The following DNAH11 variants were observed in gnomAD, a reference collection of about 807,000 sequenced individuals.
The protein encoded by DNAH11 is dynein axonemal heavy chain 11, also known as axonemal beta dynein heavy chain 11.
A neutral mutation model predicts 526.0 loss-of-function variants in DNAH11; 442 were observed. The ratio of observed to expected loss-of-function variants is 0.84; its 90% CI spans 0.78 to 0.91. The LOEUF (loss-of-function observed/expected upper bound fraction) is 0.91. DNAH11 is among the 40% of genes least tolerant of loss of function. The pLI is 0.00. For missense variants in DNAH11, 6,989 were observed against 5,448.7 expected (o/e 1.28, Z -8.90); for synonymous variants, 2,461 against 1,935.9 (o/e 1.27, Z -7.12).
At chr7:21,718,190 T>A (rs946392956) in intron 43 of DNAH11, among the ~76,000 whole-genome samples, 5 of 149,560 alleles carry the variant, frequency 3.3e-5, no homozygotes, top group Non-Finnish European at 7.4e-5. Context: ...GTTTTACTGA[T>A]TTTTTTTTAG....
intron 61 of DNAH11, among the ~76,000 whole-genome samples, chr7:21,794,518 A>C (rs1788621280): frequency 6.6e-6 from 1 of 152,126 alleles, no homozygotes. Flanking sequence ...TGCTTGAAGT[A>C]CTGACCATCC....
intron 55 of DNAH11, among the ~76,000 whole-genome samples, chr7:21,767,012 C>T (rs1392718448): frequency 6.6e-6 from 1 of 152,114 alleles, no homozygotes; most frequent in African/African-American, 2.4e-5. Context: ...TAAAGTCTGC[C>T]AGAAACATTT....
intron 74 of DNAH11, among the ~76,000 whole-genome samples, chr7:21,878,649 T>C (rs999390218): frequency 6.6e-6 from 1 of 152,188 alleles, no homozygotes; most frequent in Non-Finnish European, 1.5e-5. Flanking sequence ...AGTGATTTAA[T>C]TGGATCTGCG....
intron 2 of DNAH11, among the ~76,000 whole-genome samples, chr7:21,557,917 C>T (rs1008606666): frequency 6.6e-6 from 1 of 152,108 alleles, no homozygotes; most frequent in African/African-American, 2.4e-5. Flanking sequence ...ACTAGCTTGA[C>T]ATGTAATGGG....
At chr7:21,596,990 A>G (rs1046037204) in intron 14 of DNAH11, among the ~76,000 whole-genome samples, 1 of 152,208 alleles carries the variant, frequency 6.6e-6, no homozygotes, top group African/African-American at 2.4e-5. Context: ...TGGTTTGGGG[A>G]AAAGCTGTAG....
intron 54 of DNAH11, among the ~76,000 whole-genome samples, chr7:21,762,030 A>C (rs1786942031): frequency 6.6e-6 from 1 of 152,174 alleles, no homozygotes. Context: ...TCTGAAGTGC[A>C]TGCAGGGGAA....
intron 52 of DNAH11, 91 bp from the exon 53 acceptor site, chr7:21,749,587 C>T (rs756325421): frequency 6.5e-7 from 1 of 1,533,524 alleles, no homozygotes; most frequent in Non-Finnish European, 8.9e-7. Flanking sequence ...TATGGCGATA[C>T]AGTTACTGAG....
chr7:21,779,154 T>C lies in DNAH11; in HGVS notation c.9483+50T>C, dbSNP rs755292586. The stretch of plus-strand genomic sequence containing the variant: ...GTGCGGAGCTATATTTAGCACAAAA[T>C]AAACCTTGGTAGGTGAACAATTTTG... On this transcript the variant is annotated intron_variant, in intron 57 of 81. Transcript: ENST00000409508. 3.2e-6 allele frequency: 5 copies of C among 1,559,900 alleles called. No homozygotes were observed. The Admixed American group carries it at 9.0e-5, about 28-fold the overall frequency.
At position 21,746,376 on chromosome 7, in the gene DNAH11, G is replaced by C. The variant is rs1472610232; in HGVS notation, c.8510+1313G>C. On this transcript the variant is annotated intron_variant, in intron 51 of 81. Transcript: ENST00000409508. ...CCCAGCACTTTGGGAGGCTGAGGCAGGAGGATCACTTGAGGCCAGAAGTTT... is the reference window on the plus strand; with the variant it reads ...CCCAGCACTTTGGGAGGCTGAGGCACGAGGATCACTTGAGGCCAGAAGTTT... Among the ~76,000 whole-genome samples, 3 of 152,190 alleles carry C rather than the reference G, an allele frequency of 2.0e-5. No homozygotes were observed. In the East Asian group the frequency reaches 5.8e-4, roughly 29 times the overall value.
chr7:21,807,700 C>CAT (rs1435549182), intron 62 of DNAH11, among the ~76,000 whole-genome samples, 183 bp from the exon 63 acceptor site: 2 of 152,114 alleles, frequency 1.3e-5, no homozygotes, highest in Non-Finnish European at 2.9e-5. Context: ...ATGAGAACTC[C>CAT]ATCATAATGA....
At chr7:21,748,524 A>G in intron 51 of DNAH11, 56 bp from the exon 52 acceptor site, 1 of 1,394,544 alleles carries the variant, frequency 7.2e-7, no homozygotes, top group Non-Finnish European at 9.4e-7. Context: ...AACAGAACAG[A>G]CATAGTCCCG....
intron 61 of DNAH11, among the ~76,000 whole-genome samples, chr7:21,791,335 C>G (rs1041461627): frequency 6.6e-6 from 1 of 152,240 alleles, no homozygotes; most frequent in African/African-American, 2.4e-5. Flanking sequence ...GGAAGAATCT[C>G]TCTGCATTGG....
intron 28 of DNAH11, among the ~76,000 whole-genome samples, chr7:21,640,314 G>A (rs1043205859): frequency 3.3e-5 from 5 of 152,102 alleles, no homozygotes; most frequent in African/African-American, 1.2e-4. Context: ...GCTTCAATAA[G>A]CCCCTGAGGG....
chr7:21,649,052 A>C (rs1030155828), intron 28 of DNAH11, among the ~76,000 whole-genome samples: 11 of 151,722 alleles, frequency 7.3e-5, no homozygotes, highest in Non-Finnish European at 1.6e-4. Flanking sequence ...TAAATTGTTG[A>C]TATGATTTGG....
intron 14 of DNAH11, among the ~76,000 whole-genome samples, chr7:21,598,940 A>G (rs1025640139): frequency 7.9e-5 from 12 of 152,228 alleles, no homozygotes; most frequent in African/African-American, 2.7e-4. Flanking sequence ...ATGGCTGCAT[A>G]GTATTCCATG....
intron 76 of DNAH11, among the ~76,000 whole-genome samples, chr7:21,891,386 G>A (rs1052285179): frequency 2.0e-5 from 3 of 152,076 alleles, no homozygotes; most frequent in African/African-American, 4.8e-5. Flanking sequence ...CAGGATTTAC[G>A]GTGCAAGAGA....
intron 18 of DNAH11, among the ~76,000 whole-genome samples, chr7:21,604,737 T>C (rs1785216687): frequency 6.6e-6 from 1 of 152,156 alleles, no homozygotes; most frequent in East Asian, 1.9e-4. Flanking sequence ...GCAGGTTTGT[T>C]GTGTTTGAAG....
At position 21,570,319 on chromosome 7, in the gene DNAH11, A is replaced by G; in HGVS notation, c.1425+20A>G. On this transcript the variant is annotated intron_variant, in intron 7 of 81. Coordinates refer to ENST00000409508, the MANE Select transcript of DNAH11 (RefSeq NM_001277115.2). The stretch of plus-strand genomic sequence containing the variant: ...ATAGAGGTATTCATTTTTTGATTTT[A>G]TTTATTCATGTTGAAGGTGGGTGCA... 1 of 1,576,712 alleles carries G rather than the reference A, an allele frequency of 6.3e-7. No homozygotes were observed. Among genetic ancestry groups the G allele is most frequent in the East Asian group, 2.2e-5 (1 of 44,530 alleles).
At chr7:21,763,352 A>AAAAAAAG (rs1787012273) in intron 54 of DNAH11, among the ~76,000 whole-genome samples, 1 of 112,326 alleles carries the variant, frequency 8.9e-6, no homozygotes, top group Non-Finnish European at 1.9e-5. Context: ...AAAAAAAAAA[A>AAAAAAAG]AAAAGAAAAA....
Sources: gnomAD v4.1 joint callset for allele counts (sites outside exome capture counted in the v4.1 genomes callset) on GRCh38, gnomAD v4.1.1 for gene constraint, MANE v1.5 for transcripts, NCBI Gene and HGNC (gene_info 2026-07-23, HGNC 2026-07-21) for gene names.